ZNF320: variants seen among roughly 807,000 people sequenced by gnomAD.
The protein encoded by ZNF320 is zinc finger gene 320.
ZNF320 carries 2 observed loss-of-function variants against 6.8 expected under a neutral mutation model. The ratio of observed to expected loss-of-function variants is 0.29; its 90% CI spans 0.12 to 0.93. The LOEUF is 0.93. Ranked by LOEUF, ZNF320 falls within the 40% of genes least tolerant of loss-of-function variation. The pLI is 0.55. For synonymous variants in ZNF320, 208 were observed against 203.2 expected (o/e 1.02, Z -0.20); for missense variants, 472 against 611.0 (o/e 0.77, Z 2.40).
chr19:52,880,330 A>G lies in ZNF320; in HGVS notation c.*266T>C. ...ATCACTGCACTCCAACGTGGGCGAC[A>G]GAGCAAGATTCCATCTTAAAAATAA... is the stretch of plus-strand genomic sequence containing the variant. On this transcript the variant is annotated 3_prime_UTR_variant, in exon 6 of 6. Coordinates refer to ENST00000682928, the MANE Select transcript of ZNF320 (RefSeq NM_001351774.2). 1 of 336,632 alleles carries G rather than the reference A, an allele frequency of 3.0e-6. No individual in the cohort carries two copies. The allele number at this position is 336,632 out of a possible 1,614,324, so 20.9% of individuals were successfully genotyped here.
At chr19:52,896,927 G>C (rs866658026) in intron 1 of ZNF320, among the ~76,000 whole-genome samples, 1 of 152,278 alleles carries the variant, frequency 6.6e-6, no homozygotes, top group Non-Finnish European at 1.5e-5. Context: ...GCCAAGCACC[G>C]GCCACACCTT....
At chr19:52,898,739 A>G (rs1423043524), upstream of ZNF320, among the ~76,000 whole-genome samples, 2 of 152,238 alleles carry the variant, frequency 1.3e-5, no homozygotes, top group African/African-American at 4.8e-5. Flanking sequence ...CAGGGGATGC[A>G]TGCACCGGTG....
chr19:52,898,881 G>A (rs1568736552), upstream of ZNF320, among the ~76,000 whole-genome samples: 2 of 152,240 alleles, frequency 1.3e-5, no homozygotes, highest in Non-Finnish European at 2.9e-5. Flanking sequence ...GGCAGGCCCA[G>A]GCCTGGTTTC....
chr19:52,881,584 A>C lies in ZNF320; in HGVS notation c.542T>G (p.Ile181Arg), dbSNP rs777224903. The C allele has an allele frequency of 5.0e-6, 8 of 1,613,710 alleles. No homozygotes were observed. In the South Asian group the frequency reaches 7.7e-5, roughly 16 times the overall value. The change falls in exon 6 of 6, where the codon ATA becomes AGA. Residue 181 changes from isoleucine (I) to arginine (R), a missense_variant. By Grantham distance (97) the Ile-to-Arg change is moderately conservative (BLOSUM62 -3). Coordinates refer to ENST00000682928, the MANE Select transcript of ZNF320 (RefSeq NM_001351774.2). ...GTATGGTTTCTCTCCAGTATGAATTATCCTATGTATTTCAAGATGTGATTT... is the reference window on the plus strand; with the variant it reads ...GTATGGTTTCTCTCCAGTATGAATTCTCCTATGTATTTCAAGATGTGATTT... ...SCKSHLEIHR[I>R]IHTGEKPYKC...
chr19:52,865,515 T>C (rs1246566881), intron 5 of ZNF320: 3 of 137,868 alleles, frequency 2.2e-5, no homozygotes, highest in Non-Finnish European at 3.0e-5. Context: ...TATATTTATA[T>C]ATTATACATA....
At chr19:52,890,508 A>C in intron 3 of ZNF320, 180 bp from the exon 4 acceptor site, 1 of 506,566 alleles carries the variant, frequency 2.0e-6, no homozygotes, top group Non-Finnish European at 3.4e-6. Flanking sequence ...GAGTCCACAC[A>C]CACGCTGCAG....
intron 3 of ZNF320, 126 bp downstream of exon 3, chr19:52,891,102 TC>T (rs1434339854): frequency 1.3e-5 from 2 of 152,082 alleles, no homozygotes; most frequent in Non-Finnish European, 2.9e-5. Context: ...TGGGCCGAGA[TC>T]GTGCAACTAC....
intron 5 of ZNF320, among the ~76,000 whole-genome samples, chr19:52,887,028 G>C (rs7508370): frequency 0.83 from 123,671 of 148,330 alleles, 51,816 homozygotes; most frequent in East Asian, 0.96. Context: ...CAAAACAAAA[G>C]AAAAGAAAAG....
intron 2 of ZNF320, among the ~76,000 whole-genome samples, chr19:52,892,619 C>G (rs2064332735): frequency 6.6e-6 from 1 of 152,078 alleles, no homozygotes; most frequent in Admixed American, 6.6e-5. Context: ...GGCTCCATCT[C>G]CACAACTCAT....
At chr19:52,862,278 C>A (rs1408797496) in exon 6 of ZNF320, 4 of 685,186 alleles carry the variant, frequency 5.8e-6, no homozygotes, top group Admixed American at 2.0e-5. Flanking sequence ...AGGTTTCTCT[C>A]CAGGGTGAAT....
At chr19:52,865,565 A>G (rs1390735850) in intron 5 of ZNF320, 3 of 92,284 alleles carry the variant, frequency 3.3e-5, no homozygotes, top group African/African-American at 9.6e-5. Flanking sequence ...TTATATGATC[A>G]TACATATATA....
At chr19:52,872,156 G>C (rs146897436), downstream of ZNF320, among the ~76,000 whole-genome samples, 4,418 of 152,266 alleles carry the variant, frequency 0.029, 115 homozygotes, top group Non-Finnish European at 0.044. Context: ...TTGCACTCCA[G>C]AAAGGGCCCC....
At chr19:52,873,804 A>G (rs1199463882), downstream of ZNF320, among the ~76,000 whole-genome samples, 1 of 152,162 alleles carries the variant, frequency 6.6e-6, no homozygotes, top group Non-Finnish European at 1.5e-5. Context: ...CCTCTTCCCA[A>G]GCTCACATCA....
At chr19:52,898,447 C>G (rs192562449), upstream of ZNF320, among the ~76,000 whole-genome samples, 133 of 152,284 alleles carry the variant, frequency 8.7e-4, no homozygotes, top group African/African-American at 2.9e-3. Flanking sequence ...AAGTAAGACC[C>G]TCTACCCCAG....
upstream of ZNF320, among the ~76,000 whole-genome samples, chr19:52,897,850 C>G (rs2064522676): frequency 6.6e-6 from 1 of 152,014 alleles, no homozygotes; most frequent in African/African-American, 2.4e-5. Flanking sequence ...GGAGAAGAGT[C>G]CTGGGCTATG....
chr19:52,865,748 TA>T (rs2063546794), intron 5 of ZNF320, among the ~76,000 whole-genome samples: 3 of 126,628 alleles, frequency 2.4e-5, no homozygotes, highest in Non-Finnish European at 4.6e-5. Flanking sequence ...TATACACATA[TA>T]TTTATATATA....
chr19:52,889,752 G>A (rs955990931), intron 4 of ZNF320, among the ~76,000 whole-genome samples: 2 of 152,024 alleles, frequency 1.3e-5, no homozygotes, highest in Admixed American at 6.6e-5. Context: ...AAGATTTTTT[G>A]AGTCAGAAAC....
chr19:52,869,384 A>G (rs1331712442), intron 5 of ZNF320, among the ~76,000 whole-genome samples: 2 of 152,290 alleles, frequency 1.3e-5, no homozygotes, highest in East Asian at 3.9e-4. Flanking sequence ...CACACAGAAA[A>G]AAATGAGTAA....
At chr19:52,860,605 A>AAAAAAG (rs1555813172), downstream of ZNF320, among the ~76,000 whole-genome samples, 319 of 151,832 alleles carry the variant, frequency 2.1e-3, 2 homozygotes, top group African/African-American at 7.1e-3. Context: ...ATCAAAAAAA[A>AAAAAAG]AAAAAGAAAA....
Sources: gnomAD v4.1 joint callset for allele counts (sites outside exome capture counted in the v4.1 genomes callset) on GRCh38, gnomAD v4.1.1 for gene constraint, MANE v1.5 for transcripts, NCBI Gene and HGNC (gene_info 2026-07-23, HGNC 2026-07-21) for gene names.